C8orf34: variants seen among roughly 807,000 people sequenced by gnomAD.
The protein encoded by C8orf34 is uncharacterized protein C8orf34.
In C8orf34, 65 loss-of-function variants were observed where a neutral mutation model predicts 68.3. The observed-to-expected ratio is 0.95, with a 90% confidence interval of 0.78 to 1.17. C8orf34 has a LOEUF of 1.17. Ranked by LOEUF, C8orf34 falls within the 50% of genes most tolerant of loss-of-function variation. The pLI is 0.00. For synonymous variants in C8orf34, 244 were observed against 241.2 expected (o/e 1.01, Z -0.11); for missense variants, 664 against 655.4 (o/e 1.01, Z -0.14).
At chr8:68,769,265 C>T (rs1018293355) in intron 10 of C8orf34, among the ~76,000 whole-genome samples, 1 of 151,648 alleles carries the variant, frequency 6.6e-6, no homozygotes, top group Non-Finnish European at 1.5e-5. Flanking sequence ...TTGTCACTTT[C>T]CTAAGATTTT....
intron 5 of C8orf34, among the ~76,000 whole-genome samples, chr8:68,515,173 G>A (rs965144824): frequency 1.2e-4 from 18 of 151,762 alleles, no homozygotes; most frequent in African/African-American, 3.9e-4. Context: ...TCAGTCATAC[G>A]ATTTTCAAAA....
chr8:68,650,561 G>C (rs1032620046), intron 8 of C8orf34, among the ~76,000 whole-genome samples: 2 of 144,452 alleles, frequency 1.4e-5, no homozygotes, highest in Admixed American at 7.2e-5. Flanking sequence ...CTCACTGCAA[G>C]CTCCGCCTCC....
At chr8:68,806,147 G>C (rs957793138) in intron 12 of C8orf34, among the ~76,000 whole-genome samples, 2 of 151,994 alleles carry the variant, frequency 1.3e-5, no homozygotes, top group African/African-American at 4.8e-5. Context: ...TTTTATAGGA[G>C]TATTGGCATG....
chr8:68,471,424 T>C (rs1442315340), intron 4 of C8orf34, among the ~76,000 whole-genome samples: 6 of 152,172 alleles, frequency 3.9e-5, no homozygotes, highest in African/African-American at 1.4e-4. Context: ...TACACATGAA[T>C]ACAAATGCAG....
chr8:68,741,609 A>AC (rs1428755806), intron 10 of C8orf34, among the ~76,000 whole-genome samples: 1 of 151,924 alleles, frequency 6.6e-6, no homozygotes, highest in African/African-American at 2.4e-5. Context: ...AGTTCCCTCC[A>AC]CCCCACCCCA....
intron 7 of C8orf34, among the ~76,000 whole-genome samples, chr8:68,639,001 C>A (rs1005658951): frequency 2.0e-5 from 3 of 151,984 alleles, no homozygotes; most frequent in Non-Finnish European, 2.9e-5. Flanking sequence ...ATAGGGTGTT[C>A]TAGTGGTGAA....
At chr8:68,481,763 A>C (rs1243014905) in intron 4 of C8orf34, among the ~76,000 whole-genome samples, 1 of 152,120 alleles carries the variant, frequency 6.6e-6, no homozygotes, top group South Asian at 2.1e-4. Context: ...GCTGTATTTA[A>C]CCAATACCTA....
chr8:68,504,245 T>C (rs887154006), intron 5 of C8orf34, among the ~76,000 whole-genome samples: 1 of 152,248 alleles, frequency 6.6e-6, no homozygotes, highest in African/African-American at 2.4e-5. Context: ...GGTTTGTCTA[T>C]GTTGTTGTGT....
At chr8:68,424,326 G>A (rs994518169) in intron 1 of C8orf34, among the ~76,000 whole-genome samples, 10 of 151,982 alleles carry the variant, frequency 6.6e-5, no homozygotes, top group African/African-American at 2.2e-4. Context: ...CAACCTAAAC[G>A]GGGCAACTGA....
chr8:68,606,028 C>A (rs1817843888), intron 7 of C8orf34, among the ~76,000 whole-genome samples: 1 of 152,002 alleles, frequency 6.6e-6, no homozygotes, highest in Non-Finnish European at 1.5e-5. Flanking sequence ...CATAATACTG[C>A]TCTAAAAAAC....
chr8:68,648,214 GC>G (rs1819237611), intron 8 of C8orf34, among the ~76,000 whole-genome samples: 2 of 152,114 alleles, frequency 1.3e-5, no homozygotes, highest in Non-Finnish European at 2.9e-5. Flanking sequence ...TGCATTTCTT[GC>G]CTAGGAGTCA....
intron 1 of C8orf34, among the ~76,000 whole-genome samples, chr8:68,372,822 A>G (rs1807619606): frequency 6.6e-6 from 1 of 151,780 alleles, no homozygotes; most frequent in Admixed American, 6.6e-5. Context: ...TCATTGTTCA[A>G]CTCCCACTGA....
chr8:68,345,048 C>A (rs968187102), intron 1 of C8orf34, among the ~76,000 whole-genome samples: 1 of 151,762 alleles, frequency 6.6e-6, no homozygotes, highest in Non-Finnish European at 1.5e-5. Context: ...AAATGGAAAA[C>A]AAAAGGAGAT....
At chr8:68,756,697 A>G (rs1822871722) in intron 10 of C8orf34, among the ~76,000 whole-genome samples, 1 of 152,116 alleles carries the variant, frequency 6.6e-6, no homozygotes, top group Non-Finnish European at 1.5e-5. Context: ...AATTGGAAAA[A>G]TGTTAAAGTA....
chr8:68,386,591 A>G (rs1808271545), intron 1 of C8orf34, among the ~76,000 whole-genome samples: 1 of 152,182 alleles, frequency 6.6e-6, no homozygotes, highest in African/African-American at 2.4e-5. Flanking sequence ...CTAAGTGTCT[A>G]TGACATAAGA....
intron 6 of C8orf34, chr8:68,525,956 C>CTTTTTTTTT (rs10692707): frequency 9.0e-5 from 16 of 178,742 alleles, no homozygotes; most frequent in Admixed American, 1.8e-4. Context: ...TTCTTTCTTT[C>CTTTTTTTTT]TTTTTTTTTT....
At chr8:68,462,678 C>A (rs1287350697) in intron 3 of C8orf34, among the ~76,000 whole-genome samples, 1 of 151,960 alleles carries the variant, frequency 6.6e-6, no homozygotes, top group African/African-American at 2.4e-5. Context: ...GAACAACCTG[C>A]TCCTGAATGA....
intron 12 of C8orf34, among the ~76,000 whole-genome samples, chr8:68,796,920 G>T (rs552597797): frequency 3.4e-5 from 5 of 146,272 alleles, no homozygotes; most frequent in African/African-American, 1.3e-4. Flanking sequence ...TCTGCCTCTT[G>T]CATTCAAGCA....
intron 5 of C8orf34, among the ~76,000 whole-genome samples, chr8:68,507,357 G>A (rs1362477141): frequency 1.3e-5 from 2 of 151,998 alleles, no homozygotes; most frequent in Non-Finnish European, 2.9e-5. Context: ...ACAGTTTTTT[G>A]TTTGTTTGTT....
Sources: allele counts gnomAD v4.1 joint callset (sites outside exome capture counted in the v4.1 genomes callset), GRCh38; gene constraint gnomAD v4.1.1; transcripts MANE v1.5; gene names NCBI Gene and HGNC (gene_info 2026-07-23, HGNC 2026-07-21).